The following ICA1 variants were observed in gnomAD, a reference collection of about 807,000 sequenced individuals.
The protein encoded by ICA1 is 69 kDa islet cell autoantigen.
A neutral mutation model predicts 71.0 loss-of-function variants in ICA1; 40 were observed. That is an observed-to-expected ratio of 0.56 (90% CI 0.44 to 0.73). The LOEUF (loss-of-function observed/expected upper bound fraction) is 0.73, where lower values mean the gene tolerates loss of function less well. Ranked by LOEUF, ICA1 falls within the 30% of genes least tolerant of loss-of-function variation. The pLI is 0.00. For synonymous variants in ICA1, 207 were observed against 209.5 expected, an observed-to-expected ratio of 0.99 and a Z score of 0.10; for missense variants, 578 against 576.5, an observed-to-expected ratio of 1.00 and a Z score of -0.03.
intron 1 of ICA1, among the ~76,000 whole-genome samples, chr7:8,247,637 G>A (rs932622591): frequency 8.5e-5 from 13 of 152,242 alleles, no homozygotes; most frequent in African/African-American, 3.1e-4. Context: ...ACAGGAGTCA[G>A]TTTTTCCCTA....
Position 8,144,638 on chromosome 7 carries a change from G to GTT in ICA1, c.805-668_805-667dup, listed in dbSNP as rs77272207. Among the ~76,000 whole-genome samples, 279 of 149,372 alleles carry GTT rather than the reference G, an allele frequency of 1.9e-3. No homozygotes were observed. The highest frequency in any genetic ancestry group is 1.7e-3 in the Admixed American group (26 of 14,998). On this transcript the variant is annotated intron_variant, in intron 8 of 13. Transcript: ENST00000402384. This position sits in a 1 kb window ranked among gnomAD's most constrained non-coding sequence, Gnocchi z 4.5. ...TTTTCAAGGTTAACTAAATATTTAA[G>GTT]TTTTTTTTTTTAAACAGCAAGTGCC...
At chr7:8,200,634 C>G (rs1248222318) in intron 6 of ICA1, among the ~76,000 whole-genome samples, 1 of 152,002 alleles carries the variant, frequency 6.6e-6, no homozygotes, top group Non-Finnish European at 1.5e-5. Flanking sequence ...GGAAAGGGAG[C>G]AAAAAGAACA....
At chr7:8,138,281 T>C (rs975269793) in intron 12 of ICA1, among the ~76,000 whole-genome samples, 1 of 152,196 alleles carries the variant, frequency 6.6e-6, no homozygotes, top group Non-Finnish European at 1.5e-5. Flanking sequence ...TGCATCTACC[T>C]AAGGGTCAGT....
intron 8 of ICA1, among the ~76,000 whole-genome samples, chr7:8,148,017 G>A (rs1797628886): frequency 6.6e-6 from 1 of 152,064 alleles, no homozygotes; most frequent in African/African-American, 2.4e-5. Flanking sequence ...TGACCGTGGG[G>A]GTGTGTGTCG....
intron 3 of ICA1, among the ~76,000 whole-genome samples, chr7:8,229,321 G>C (rs1362639371): frequency 6.6e-6 from 1 of 152,214 alleles, no homozygotes; most frequent in Non-Finnish European, 1.5e-5. Flanking sequence ...AGCGGAAACT[G>C]GGGGATAGGC....
intron 2 of ICA1, among the ~76,000 whole-genome samples, chr7:8,233,807 T>G (rs946380709): frequency 1.3e-5 from 2 of 152,228 alleles, no homozygotes; most frequent in Admixed American, 6.5e-5. Context: ...AATTTAAAAT[T>G]GGTTGCAGGC....
At chr7:8,200,973 A>G (rs3757521) in intron 6 of ICA1, among the ~76,000 whole-genome samples, 73,599 of 152,134 alleles carry the variant, frequency 0.48, 21,950 homozygotes, top group South Asian at 0.74. Context: ...TCTTGATGCC[A>G]AAAAACCCCA....
intron 6 of ICA1, among the ~76,000 whole-genome samples, chr7:8,194,246 C>A (rs1211871875): frequency 1.3e-5 from 2 of 152,050 alleles, no homozygotes; most frequent in Non-Finnish European, 2.9e-5. Flanking sequence ...ACCCTAGATC[C>A]CTGAATCAGA....
intron 6 of ICA1, among the ~76,000 whole-genome samples, chr7:8,210,335 T>C (rs1226543806): frequency 1.3e-5 from 2 of 152,184 alleles, no homozygotes; most frequent in Non-Finnish European, 2.9e-5. Flanking sequence ...GTGAGAGAAA[T>C]GTGCTTAAAT....
At chr7:8,233,657 A>T (rs905041199) in intron 2 of ICA1, among the ~76,000 whole-genome samples, 4 of 152,026 alleles carry the variant, frequency 2.6e-5, no homozygotes, top group African/African-American at 4.8e-5. Flanking sequence ...CAGCCTCCCA[A>T]ACTGCTGGGA....
chr7:8,156,899 A>T (rs10282493), intron 8 of ICA1: 1,229,017 of 1,521,686 alleles, frequency 0.81, 499,267 homozygotes, highest in East Asian at 0.9. Flanking sequence ...GGATTGCAGT[A>T]GATTCTCATT....
chr7:8,260,713 G>C (rs773579075), intron 1 of ICA1, among the ~76,000 whole-genome samples: 1 of 152,158 alleles, frequency 6.6e-6, no homozygotes, highest in African/African-American at 2.4e-5. Context: ...TCTCTACAAA[G>C]GGTGTTTCAA....
At chr7:8,181,249 T>A (rs1162864011) in intron 6 of ICA1, among the ~76,000 whole-genome samples, 1 of 152,172 alleles carries the variant, frequency 6.6e-6, no homozygotes, top group East Asian at 1.9e-4. Flanking sequence ...TTTTCTCCAA[T>A]GAATTACAGT....
intron 6 of ICA1, among the ~76,000 whole-genome samples, chr7:8,180,012 T>G (rs1781733060): frequency 6.6e-6 from 1 of 152,140 alleles, no homozygotes; most frequent in Non-Finnish European, 1.5e-5. Context: ...TATCAGCTGC[T>G]TAGATTTTGT....
intron 6 of ICA1, among the ~76,000 whole-genome samples, chr7:8,178,192 G>A (rs1042716084): frequency 1.3e-5 from 2 of 152,194 alleles, no homozygotes; most frequent in Admixed American, 6.5e-5. Context: ...TTGGTGTCAC[G>A]TTGTTTCTCC....
Position 8,143,901 on chromosome 7 carries a change from T to C in ICA1, c.876A>G (p.Thr292=). Residue 292 remains threonine (T), a synonymous_variant, in exon 9 of 14, where the codon ACA becomes ACG. Transcript: ENST00000402384. Reference sequence around the variant, plus strand: ...GGCTCGGCTCCTGCACGGCTGCATCTGTACTTTCCTGCTGGTTGATTTTCT... The same window carrying C: ...GGCTCGGCTCCTGCACGGCTGCATCCGTACTTTCCTGCTGGTTGATTTTCT... ...EKKKINQQES[T]DAAVQEPSQL... 1.2e-6 allele frequency: 2 copies of C among 1,612,466 alleles called. No homozygotes were observed. Among genetic ancestry groups the C allele is most frequent in the South Asian group, 1.1e-5 (1 of 91,036 alleles).
intron 6 of ICA1, 88 bp downstream of exon 6, chr7:8,218,217 T>C: frequency 8.7e-7 from 1 of 1,145,694 alleles, no homozygotes; most frequent in Middle Eastern, 2.6e-4. Context: ...TGCTTTTGAG[T>C]TATGTCTTCT....
intron 6 of ICA1, among the ~76,000 whole-genome samples, chr7:8,215,928 T>C (rs1308817955): frequency 6.6e-6 from 1 of 152,170 alleles, no homozygotes; most frequent in Non-Finnish European, 1.5e-5. Flanking sequence ...AAATGGAGAC[T>C]CTGTTTAAAA....
chr7:8,215,082 G>A (rs1049488823), intron 6 of ICA1, among the ~76,000 whole-genome samples: 4 of 151,914 alleles, frequency 2.6e-5, no homozygotes, highest in East Asian at 3.9e-4. Context: ...TTAGGCCCTC[G>A]CAATCCCTTC....
Sources: gnomAD v4.1 joint callset for allele counts (sites outside exome capture counted in the v4.1 genomes callset) on GRCh38, gnomAD v4.1.1 for gene constraint, Gnocchi (gnomAD v3.1) non-coding constraint, MANE v1.5 for transcripts, NCBI Gene and HGNC (gene_info 2026-07-23, HGNC 2026-07-21) for gene names.